The following TACR1 variants were observed in gnomAD, a reference collection of about 807,000 sequenced individuals.
TACR1 encodes substance-P receptor.
A neutral mutation model predicts 35.8 loss-of-function variants in TACR1; 25 were observed. That is an observed-to-expected ratio of 0.70 (90% confidence interval 0.51 to 0.98). TACR1 has a LOEUF of 0.98. Among genes scored for constraint, TACR1 ranks in the 50% least tolerant of loss-of-function variants. The pLI is 0.00. For missense variants in TACR1, 478 were observed against 522.9 expected, an observed-to-expected ratio of 0.91 and a Z score of 0.84; for synonymous variants, 195 against 206.7, an observed-to-expected ratio of 0.94 and a Z score of 0.48.
Position 75,096,688 on chromosome 2 carries a change from C to T in TACR1, c.584+23886G>A, listed in dbSNP as rs72918530. On this transcript the variant is annotated intron_variant, in intron 2 of 4. Transcript: ENST00000305249. ...AACTGGTTCAGCTGGGGCCTTACTA[C>T]ACCCTCCCATGTTGTTTATGGTATA... Among the ~76,000 whole-genome samples the T allele has an allele frequency of 4.0e-3, 605 of 152,326 alleles. 5 individuals carry two copies. The highest frequency in any genetic ancestry group is 0.014 in the African/African-American group (571 of 41,554).
At chr2:75,069,821 A>C (rs1672839861) in intron 2 of TACR1, among the ~76,000 whole-genome samples, 1 of 152,174 alleles carries the variant, frequency 6.6e-6, no homozygotes, top group African/African-American at 2.4e-5. Flanking sequence ...TCAAGGGTAC[A>C]TGCTATTATT....
chr2:75,184,485 A>C lies in TACR1; in HGVS notation c.389+14061T>G, dbSNP rs72920681. Among the ~76,000 whole-genome samples the C allele has an allele frequency of 2.2e-3, 336 of 152,102 alleles. 1 individual carries two copies. The highest frequency in any genetic ancestry group is 7.7e-3 in the African/African-American group (322 of 41,560). On this transcript the variant is annotated intron_variant, in intron 1 of 4. Coordinates refer to ENST00000305249, the MANE Select transcript of TACR1 (RefSeq NM_001058.4). ...GACACTAGATGTAAGATTAAAGCTGATGATGATTTATAGACTATGCCATTA... is the reference window on the plus strand; with the variant it reads ...GACACTAGATGTAAGATTAAAGCTGCTGATGATTTATAGACTATGCCATTA...
chr2:75,154,526 A>ACTCTCTCT (rs375822745), intron 1 of TACR1: 3 of 117,144 alleles, frequency 2.6e-5, no homozygotes, highest in African/African-American at 4.5e-5. Flanking sequence ...ACACACACAC[A>ACTCTCTCT]CTCTCTGAAG....
At chr2:75,097,741 C>G in intron 2 of TACR1, among the ~76,000 whole-genome samples, 1 of 152,094 alleles carries the variant, frequency 6.6e-6, no homozygotes, top group East Asian at 1.9e-4. Flanking sequence ...GTTTTTTTCT[C>G]TTGCTCAGCT....
At chr2:75,150,339 G>A (rs148111303) in intron 1 of TACR1, among the ~76,000 whole-genome samples, 64 of 152,214 alleles carry the variant, frequency 4.2e-4, no homozygotes, top group Middle Eastern at 3.4e-3. Context: ...GTGTCCCCAC[G>A]CAAATCTCAA....
chr2:75,071,179 T>G (rs1228107041), intron 2 of TACR1, among the ~76,000 whole-genome samples: 1 of 151,826 alleles, frequency 6.6e-6, no homozygotes, highest in African/African-American at 2.4e-5. Flanking sequence ...CTTGGCCTCT[T>G]AGAAAAATGT....
At chr2:75,112,872 A>G (rs6752498) in intron 2 of TACR1, among the ~76,000 whole-genome samples, 108,305 of 152,046 alleles carry the variant, frequency 0.71, 39,421 homozygotes, top group African/African-American at 0.86. Context: ...ACATAACATT[A>G]CTGTTTCAAT....
chr2:75,164,901 G>C (rs572316437), intron 1 of TACR1, among the ~76,000 whole-genome samples: 1 of 152,330 alleles, frequency 6.6e-6, no homozygotes, highest in Admixed American at 6.5e-5. Context: ...AGAAGCCATA[G>C]ATAGAGCAAA....
At chr2:75,058,891 C>G (rs149008444) in intron 2 of TACR1, among the ~76,000 whole-genome samples, 218 of 152,280 alleles carry the variant, frequency 1.4e-3, no homozygotes, top group Middle Eastern at 3.4e-3. Context: ...TGAAATAATC[C>G]TCAGCATTTG....
At chr2:75,182,028 C>T (rs977279323) in intron 1 of TACR1, among the ~76,000 whole-genome samples, 7 of 152,190 alleles carry the variant, frequency 4.6e-5, no homozygotes, top group African/African-American at 1.7e-4. Context: ...GTGATGTACT[C>T]AAGGGAATTC....
At chr2:75,190,424 G>C (rs1320739220) in intron 1 of TACR1, among the ~76,000 whole-genome samples, 1 of 152,184 alleles carries the variant, frequency 6.6e-6, no homozygotes, top group East Asian at 1.9e-4. Flanking sequence ...TGCTGACCCA[G>C]TCAGGACAGT....
At chr2:75,089,213 A>G (rs1222396847) in intron 2 of TACR1, among the ~76,000 whole-genome samples, 2 of 152,180 alleles carry the variant, frequency 1.3e-5, no homozygotes, top group African/African-American at 4.8e-5. Context: ...GTAGGTACAG[A>G]ATGACTTGCC....
At chr2:75,120,932 T>C (rs972744079) in intron 1 of TACR1, among the ~76,000 whole-genome samples, 164 bp from the exon 2 acceptor site, 1 of 152,190 alleles carries the variant, frequency 6.6e-6, no homozygotes, top group African/African-American at 2.4e-5. Context: ...CCTTAAGCTT[T>C]GTGATATGCC....
In TACR1 at chr2:75,199,300, A is replaced by C; in HGVS notation, c.-366T>G. Reference sequence around the variant, plus strand: ...ATTTATGCACCTGCTGCTGCCTGCAACTCCTATTTCTCCTTCCTCCGCAGG... The same window carrying C: ...ATTTATGCACCTGCTGCTGCCTGCACCTCCTATTTCTCCTTCCTCCGCAGG... On this transcript the variant is annotated 5_prime_UTR_variant, in exon 1 of 5. Coordinates refer to ENST00000305249, the MANE Select transcript of TACR1 (RefSeq NM_001058.4). 1 of 226,442 alleles carries C rather than the reference A, an allele frequency of 4.4e-6. No individual in the cohort carries two copies. Among genetic ancestry groups the C allele is most frequent in the Non-Finnish European group, 8.9e-6 (1 of 112,610 alleles). 14.0% of individuals were successfully genotyped at this position (226,442 alleles called of 1,614,324 possible).
At chr2:75,122,519 A>G (rs1425451682) in intron 1 of TACR1, among the ~76,000 whole-genome samples, 1 of 152,164 alleles carries the variant, frequency 6.6e-6, no homozygotes, top group Non-Finnish European at 1.5e-5. Context: ...CAACCTTTAT[A>G]TCAGAAGTCA....
chr2:75,169,308 A>G (rs1675220001), intron 1 of TACR1, among the ~76,000 whole-genome samples: 1 of 152,124 alleles, frequency 6.6e-6, no homozygotes, highest in South Asian at 2.1e-4. Flanking sequence ...TTCACTAGTT[A>G]TAGTATGTCT....
At chr2:75,147,982 A>G (rs59443262) in intron 1 of TACR1, among the ~76,000 whole-genome samples, 11,411 of 151,946 alleles carry the variant, frequency 0.075, 888 homozygotes, top group African/African-American at 0.2. Flanking sequence ...TCCTGACCTC[A>G]TGATCCACCC....
intron 1 of TACR1, among the ~76,000 whole-genome samples, chr2:75,135,617 C>T (rs1674266037): frequency 6.6e-6 from 1 of 152,214 alleles, no homozygotes; most frequent in South Asian, 2.1e-4. Flanking sequence ...ATAGCTGCTT[C>T]AAGGATGGAA....
At chr2:75,087,116 T>C (rs953071271) in intron 2 of TACR1, among the ~76,000 whole-genome samples, 4 of 152,214 alleles carry the variant, frequency 2.6e-5, no homozygotes, top group African/African-American at 9.6e-5. Context: ...AAATATGTCA[T>C]TCATACTTTT....
Sources: allele counts gnomAD v4.1 joint callset (sites outside exome capture counted in the v4.1 genomes callset), GRCh38; gene constraint gnomAD v4.1.1; transcripts MANE v1.5; gene names NCBI Gene and HGNC (gene_info 2026-07-23, HGNC 2026-07-21).